SLC23A2: variants seen among roughly 807,000 people sequenced by gnomAD.
SLC23A2 encodes Na(+)/L-ascorbic acid transporter 2.
SLC23A2 carries 36 observed loss-of-function variants against 73.3 expected under a neutral mutation model. That is an observed-to-expected ratio of 0.49 (90% CI 0.38 to 0.65). SLC23A2 has a LOEUF of 0.65. Among genes scored for constraint, SLC23A2 ranks in the 30% least tolerant of loss-of-function variants. SLC23A2 has a pLI of 0.00. For synonymous variants in SLC23A2, 343 were observed against 327.3 expected, an observed-to-expected ratio of 1.05 and a Z score of -0.52; for missense variants, 507 against 841.6, an observed-to-expected ratio of 0.60 and a Z score of 4.92.
chr20:4,973,062 T>A (rs1190769545), intron 1 of SLC23A2, among the ~76,000 whole-genome samples: 1 of 152,338 alleles, frequency 6.6e-6, no homozygotes, highest in African/African-American at 2.4e-5. Flanking sequence ...CCTTGAAAAA[T>A]ACAGGTTGTA....
chr20:4,864,336 A>G (rs1336210117), intron 13 of SLC23A2, among the ~76,000 whole-genome samples: 1 of 152,218 alleles, frequency 6.6e-6, no homozygotes, highest in Non-Finnish European at 1.5e-5. Flanking sequence ...TGACCACTGC[A>G]CAGAACCCTC....
At chr20:4,891,102 G>C (rs1029890493) in intron 6 of SLC23A2, among the ~76,000 whole-genome samples, 1 of 152,104 alleles carries the variant, frequency 6.6e-6, no homozygotes, top group Non-Finnish European at 1.5e-5. Flanking sequence ...CTCCTGTGTA[G>C]AGCTGCTTTT....
At chr20:4,912,750 G>A (rs1932200284) in intron 4 of SLC23A2, 130 bp downstream of exon 4, 3 of 678,938 alleles carry the variant, frequency 4.4e-6, no homozygotes, top group Non-Finnish European at 5.3e-6. Flanking sequence ...ACAGCCCCTT[G>A]GGAGTCAGAG....
At chr20:4,873,313 C>G (rs550683340) in intron 11 of SLC23A2, among the ~76,000 whole-genome samples, 1 of 152,244 alleles carries the variant, frequency 6.6e-6, no homozygotes, top group East Asian at 1.9e-4. Context: ...CACAATGGAA[C>G]CAAGTGTGTA....
At chr20:4,991,668 G>C (rs997079330) in intron 1 of SLC23A2, among the ~76,000 whole-genome samples, 1 of 151,206 alleles carries the variant, frequency 6.6e-6, no homozygotes, top group Non-Finnish European at 1.5e-5. Context: ...GTTGCAGTGA[G>C]CTGAGATCAC....
intron 2 of SLC23A2, among the ~76,000 whole-genome samples, chr20:4,965,775 T>G (rs777877794): frequency 6.6e-6 from 1 of 152,068 alleles, no homozygotes; most frequent in Non-Finnish European, 1.5e-5. Flanking sequence ...GAGACCAGTG[T>G]GGCCAATGTG....
chr20:4,922,843 G>GCACA lies in SLC23A2; in HGVS notation c.108+9608_108+9611dup, dbSNP rs11474556. Among the ~76,000 whole-genome samples the GCACA allele has an allele frequency of 1.9e-3, 272 of 145,812 alleles. 1 individual carries two copies. Among genetic ancestry groups the GCACA allele is most frequent in the African/African-American group, 3.7e-3 (145 of 39,716 alleles). On this transcript the variant is annotated intron_variant, in intron 3 of 16. Transcript: ENST00000338244. ...AGACCGTGTCTTTAAAAAAAAAAAAGCACACACACACACACACACAAGTAA... is the reference window on the plus strand; with the variant it reads ...AGACCGTGTCTTTAAAAAAAAAAAAGCACACACACACACACACACACACAAGTAA...
intron 6 of SLC23A2, among the ~76,000 whole-genome samples, chr20:4,886,843 A>G (rs577919064): frequency 6.6e-6 from 1 of 152,314 alleles, no homozygotes; most frequent in South Asian, 2.1e-4. Flanking sequence ...CAGAGAGCCT[A>G]GTCAGTGGCC....
upstream of SLC23A2, among the ~76,000 whole-genome samples, chr20:5,003,306 C>G (rs1349114037): frequency 1.3e-5 from 2 of 152,116 alleles, no homozygotes; most frequent in Admixed American, 1.3e-4. Context: ...ATGGCGTGAA[C>G]CCGGGAGGCG....
rs1433046338 is a variant in SLC23A2 at position 4,947,971 on chromosome 20, C to T, written c.-154-15255G>A. 2.0e-5 allele frequency among the ~76,000 whole-genome samples: 3 copies of T among 152,194 alleles called. No homozygotes were observed. The highest frequency in any genetic ancestry group is 7.2e-5 in the African/African-American group (3 of 41,456). Reference sequence around the variant, plus strand: ...AAAATCTTGGGAGCCTGGATAACTTCCAGGAGATGGCTGTGCCCTGCTGAT... The same window carrying T: ...AAAATCTTGGGAGCCTGGATAACTTTCAGGAGATGGCTGTGCCCTGCTGAT... On this transcript the variant is annotated intron_variant, in intron 2 of 16. Transcript: ENST00000338244. The surrounding 1 kb of genome is among the most constrained non-coding windows in gnomAD (Gnocchi z 4.4).
intron 1 of SLC23A2, among the ~76,000 whole-genome samples, chr20:4,992,516 T>C (rs1415931049): frequency 6.7e-6 from 1 of 149,962 alleles, no homozygotes; most frequent in Non-Finnish European, 1.5e-5. Flanking sequence ...TTTTTTTTTT[T>C]TTTTTTTTGG....
intron 2 of SLC23A2, among the ~76,000 whole-genome samples, chr20:4,956,116 A>T (rs1162835962): frequency 6.6e-6 from 1 of 152,212 alleles, no homozygotes; most frequent in African/African-American, 2.4e-5. Flanking sequence ...ATAATTTTGC[A>T]TTTGAAAATA....
intron 2 of SLC23A2, among the ~76,000 whole-genome samples, chr20:4,967,599 T>C (rs2087493419): frequency 6.6e-6 from 1 of 152,208 alleles, no homozygotes; most frequent in African/African-American, 2.4e-5. Context: ...AACATTTTTA[T>C]ACGACATGTT....
chr20:5,000,482 T>C (rs1018141612), intron 1 of SLC23A2, among the ~76,000 whole-genome samples: 5 of 151,974 alleles, frequency 3.3e-5, no homozygotes, highest in African/African-American at 9.7e-5. Flanking sequence ...GATGACCCAA[T>C]TGTCAGCAGG....
intron 7 of SLC23A2, among the ~76,000 whole-genome samples, chr20:4,885,539 A>C (rs1931063668): frequency 6.6e-6 from 1 of 152,198 alleles, no homozygotes; most frequent in African/African-American, 2.4e-5. Context: ...AAATAGCACA[A>C]ATATTTTTCT....
At chr20:4,924,609 G>A (rs570545326) in intron 3 of SLC23A2, among the ~76,000 whole-genome samples, 1 of 152,298 alleles carries the variant, frequency 6.6e-6, no homozygotes, top group African/African-American at 2.4e-5. Flanking sequence ...CCCTGGTGAG[G>A]CCCACAAGAC....
In SLC23A2 at chr20:4,869,935, G is replaced by A; in HGVS notation, c.1221C>T (p.Ala407=). Residue 407 remains alanine, a synonymous_variant, in exon 12 of 17, where the codon GCC becomes GCT. Coordinates refer to ENST00000338244, the MANE Select transcript of SLC23A2 (RefSeq NM_005116.6). ...TTATTGCGTGGATGGGGGGGGGTGGGGCACAGGACAGCCGTGCACAGGCGT... is the reference window on the plus strand; with the variant it reads ...TTATTGCGTGGATGGGGGGGGGTGGAGCACAGGACAGCCGTGCACAGGCGT... The part of the protein sequence containing the change: ...DYYACARLSC[A]PPPPIHAINR... 1.3e-6 allele frequency: 2 copies of A among 1,599,464 alleles called. No individual in the cohort carries two copies. Among genetic ancestry groups the A allele is most frequent in the South Asian group, 2.2e-5 (2 of 90,742 alleles).
At chr20:4,922,684 T>G (rs1180329801) in intron 3 of SLC23A2, among the ~76,000 whole-genome samples, 2 of 152,020 alleles carry the variant, frequency 1.3e-5, no homozygotes, top group Non-Finnish European at 2.9e-5. Flanking sequence ...GAAAATTAGC[T>G]GGGCATGGTC....
intron 1 of SLC23A2, among the ~76,000 whole-genome samples, chr20:4,972,548 T>C (rs1307951457): frequency 6.9e-6 from 1 of 144,214 alleles, no homozygotes; most frequent in Non-Finnish European, 1.5e-5. Flanking sequence ...TCTTAAGCTA[T>C]GTGGGGGTTT....
Sources: gnomAD v4.1 joint callset for allele counts (sites outside exome capture counted in the v4.1 genomes callset) on GRCh38, gnomAD v4.1.1 for gene constraint, Gnocchi (gnomAD v3.1) non-coding constraint, MANE v1.5 for transcripts, NCBI Gene and HGNC (gene_info 2026-07-23, HGNC 2026-07-21) for gene names.